The following FRY variants were observed in gnomAD, a reference collection of about 807,000 sequenced individuals.
The protein encoded by FRY is protein furry homolog.
FRY carries 128 observed loss-of-function variants against 348.4 expected under a neutral mutation model. That is an observed-to-expected ratio of 0.37 (90% CI 0.32 to 0.43). The LOEUF (loss-of-function observed/expected upper bound fraction) is 0.43. Ranked by LOEUF, FRY falls within the 20% of genes least tolerant of loss-of-function variation. FRY has a pLI of 1.00. For missense variants in FRY, 2,736 were observed against 3,695.2 expected (o/e 0.74, Z 6.73); for synonymous variants, 1,370 against 1,374.7 (o/e 1.00, Z 0.08).
At chr13:32,134,664 T>C (rs184816061) in intron 8 of FRY, among the ~76,000 whole-genome samples, 1 of 152,344 alleles carries the variant, frequency 6.6e-6, no homozygotes, top group East Asian at 1.9e-4. Context: ...TTTGTCCTTT[T>C]AGAATAGTGA....
intron 14 of FRY, among the ~76,000 whole-genome samples, chr13:32,152,579 G>A (rs1880864083): frequency 6.6e-6 from 1 of 152,084 alleles, no homozygotes. Context: ...ATATCCACCT[G>A]CAAAATACTG....
chr13:32,062,641 A>G (rs1874011128), intron 1 of FRY, among the ~76,000 whole-genome samples: 1 of 152,296 alleles, frequency 6.6e-6, no homozygotes, highest in East Asian at 1.9e-4. Context: ...TATTTTTTAA[A>G]TGAGCTGGTA....
At chr13:32,206,147 A>G (rs1884336501) in intron 31 of FRY, among the ~76,000 whole-genome samples, 1 of 152,096 alleles carries the variant, frequency 6.6e-6, no homozygotes, top group Non-Finnish European at 1.5e-5. Flanking sequence ...AACTCACAGA[A>G]GGATGGAAGG....
intron 51 of FRY, chr13:32,257,831 C>T: frequency 1.4e-6 from 1 of 729,928 alleles, no homozygotes; most frequent in South Asian, 1.6e-5. Flanking sequence ...GGTGCACCTA[C>T]TGAAGTGTAT....
At chr13:32,152,213 A>G (rs564588526) in intron 14 of FRY, among the ~76,000 whole-genome samples, 1 of 152,342 alleles carries the variant, frequency 6.6e-6, no homozygotes, top group East Asian at 1.9e-4. Flanking sequence ...TGTAATCTCA[A>G]TAATAATAAA....
chr13:32,294,522 T>C lies in FRY; in HGVS notation c.8735T>C (p.Leu2912Pro), dbSNP rs780871093. The C allele has an allele frequency of 6.2e-7, 1 of 1,614,110 alleles. No individual in the cohort carries two copies. The highest frequency in any genetic ancestry group is 1.7e-5 in the Admixed American group (1 of 60,026). The stretch of plus-strand genomic sequence containing the variant: ...GCCATCCAGTCCATGCTGGAGTGCC[T>C]GAAGAACAACGAACTCGGCAAAGCT... ...EAAIQSMLEC[L>P]KNNELGKALR... The change falls in exon 60 of 61, where the codon CTG (leucine) becomes CCG (proline). Residue 2912 changes from leucine to proline, a missense_variant. Coordinates refer to ENST00000542859, the MANE Select transcript of FRY (RefSeq NM_023037.3).
In FRY at chr13:32,117,384, A is replaced by G. The variant is rs746882500; in HGVS notation, c.375A>G (p.Leu125=). Residue 125 remains leucine, a synonymous_variant, in exon 4 of 61, where the codon CTA becomes CTG. Coordinates refer to ENST00000542859, the MANE Select transcript of FRY (RefSeq NM_023037.3). ...SLSEYCLPSI[L]RTLFDWYKRQ... ...CTGAGTACTGCCTGCCTTCCATTCT[A>G]CGTACATTATTTGACTGGTATAAAA... 5.6e-6 allele frequency: 9 copies of G among 1,613,796 alleles called. No homozygotes were observed. In the East Asian group the frequency reaches 6.7e-5, roughly 12 times the overall value.
chr13:32,295,631 T>C lies in FRY; in HGVS notation c.*171T>C, dbSNP rs552617101. On this transcript the variant is annotated 3_prime_UTR_variant, in exon 61 of 61. Transcript: ENST00000542859. ...CAGAACTTCCAACGTGTAGCAATAC[T>C]ATAAGAACCAAGGTAGCTTAGAACG... is the stretch of plus-strand genomic sequence containing the variant. 7.0e-5 allele frequency: 45 copies of C among 646,012 alleles called. No individual in the cohort carries two copies. Among genetic ancestry groups the C allele is most frequent in the Non-Finnish European group, 1.2e-4 (44 of 363,708 alleles). 40.0% of individuals were successfully genotyped at this position (646,012 alleles called of 1,614,324 possible). A position where few individuals can be genotyped will look rare whatever the true frequency, so the allele number is the denominator to read the frequency against.
intron 2 of FRY, among the ~76,000 whole-genome samples, chr13:32,099,463 G>A (rs1372438897): frequency 1.3e-5 from 2 of 151,628 alleles, no homozygotes; most frequent in African/African-American, 4.9e-5. Flanking sequence ...GGGTGAATTA[G>A]CAATATATAT....
intron 3 of FRY, among the ~76,000 whole-genome samples, chr13:32,115,931 ATTC>A (rs1878276150): frequency 6.6e-6 from 1 of 152,004 alleles, no homozygotes; most frequent in Admixed American, 6.6e-5. Context: ...CAATTAAATG[ATTC>A]TTCATTTTTT....
At chr13:32,203,366 T>A (rs1884155834) in intron 31 of FRY, among the ~76,000 whole-genome samples, 1 of 152,224 alleles carries the variant, frequency 6.6e-6, no homozygotes, top group Non-Finnish European at 1.5e-5. Flanking sequence ...AATTTGGCTT[T>A]GCATAGTGGA....
intron 44 of FRY, 73 bp downstream of exon 44, chr13:32,238,059 T>G (rs771047221): frequency 3.6e-5 from 54 of 1,519,512 alleles, no homozygotes; most frequent in Non-Finnish European, 4.7e-5. Flanking sequence ...AATAAGATAA[T>G]ATGAACTTAC....
At chr13:32,068,648 C>T (rs1194786090) in intron 1 of FRY, among the ~76,000 whole-genome samples, 1 of 152,172 alleles carries the variant, frequency 6.6e-6, no homozygotes, top group Non-Finnish European at 1.5e-5. Context: ...ACACTTGTTG[C>T]TAACTTTCTC....
chr13:32,287,863 G>A lies in FRY; in HGVS notation c.8470-1770G>A, dbSNP rs192077818. ...TTGTTTCCTGTGCCATGCTTGCTGT[G>A]TAGCAAATGGAATCTCTTGCAGTAA... is the stretch of plus-strand genomic sequence containing the variant. On this transcript the variant is annotated intron_variant, in intron 58 of 60. Transcript: ENST00000542859. 5.1e-5 allele frequency: 69 copies of A among 1,352,768 alleles called. No individual in the cohort carries two copies. The African/African-American group carries it at 9.0e-4, about 18-fold the overall frequency. The allele number at this position is 1,352,768 out of a possible 1,614,324, so 83.8% of individuals were successfully genotyped here.
intron 17 of FRY, among the ~76,000 whole-genome samples, chr13:32,161,485 G>T (rs1323724549): frequency 6.6e-6 from 1 of 152,194 alleles, no homozygotes; most frequent in Non-Finnish European, 1.5e-5. Context: ...AGCCTGTGTT[G>T]TGCAAACTAA....
chr13:32,046,948 C>T (rs1020814772), intron 1 of FRY, among the ~76,000 whole-genome samples: 6 of 152,176 alleles, frequency 3.9e-5, no homozygotes, highest in Admixed American at 1.3e-4. Flanking sequence ...TGCTTTGTCT[C>T]AGCCATATAC....
chr13:32,171,204 G>A lies in FRY; in HGVS notation c.2085G>A (p.Gln695=). Residue 695 remains glutamine (Q), a synonymous_variant, in exon 18 of 61, where the codon CAG becomes CAA. Coordinates refer to ENST00000542859, the MANE Select transcript of FRY (RefSeq NM_023037.3). ...SLKLLLQLLT[Q]WKLVIQTQGK... is the part of the protein sequence containing the mutation. The stretch of plus-strand genomic sequence containing the variant: ...AGTTGCTGCTGCAGCTGCTCACCCA[G>A]TGGAAACTAGTCATCCAGACACAAG... The A allele has an allele frequency of 1.9e-6, 3 of 1,612,414 alleles. No homozygotes were observed. The highest frequency in any genetic ancestry group is 4.5e-5 in the East Asian group (2 of 44,802).
At chr13:32,076,736 A>G (rs1275825277) in intron 1 of FRY, among the ~76,000 whole-genome samples, 1 of 152,122 alleles carries the variant, frequency 6.6e-6, no homozygotes, top group Non-Finnish European at 1.5e-5. Context: ...TTTATTGAGT[A>G]TTATCTGTGC....
At chr13:32,192,447 G>A (rs1883399924) in intron 28 of FRY, among the ~76,000 whole-genome samples, 1 of 152,022 alleles carries the variant, frequency 6.6e-6, no homozygotes, top group Non-Finnish European at 1.5e-5. Context: ...TGAGTAGCTG[G>A]GACTACAGGC....
Sources: gnomAD v4.1 joint callset for allele counts (sites outside exome capture counted in the v4.1 genomes callset) on GRCh38, gnomAD v4.1.1 for gene constraint, MANE v1.5 for transcripts, NCBI Gene and HGNC (gene_info 2026-07-23, HGNC 2026-07-21) for gene names.